PHYHIPL: variants seen among roughly 807,000 people sequenced by gnomAD.
PHYHIPL encodes the protein phytanoyl-CoA 2-hydroxylase interacting protein like, also known as phytanoyl-CoA hydroxylase-interacting protein-like.
Under a neutral mutation model 33.4 loss-of-function variants are expected in PHYHIPL, and 9 were observed. The observed-to-expected ratio is 0.27, with a 90% CI of 0.16 to 0.47. The LOEUF (loss-of-function observed/expected upper bound fraction) is 0.47. Among genes scored for constraint, PHYHIPL ranks in the 20% least tolerant of loss-of-function variants. The pLI is 0.99. For synonymous variants in PHYHIPL, 153 were observed against 154.1 expected, an observed-to-expected ratio of 0.99 and a Z score of 0.05; for missense variants, 365 against 460.7, an observed-to-expected ratio of 0.79 and a Z score of 1.90.
intron 4 of PHYHIPL, among the ~76,000 whole-genome samples, chr10:59,244,491 G>A (rs969551461): frequency 4.2e-5 from 6 of 143,524 alleles, no homozygotes; most frequent in African/African-American, 1.5e-4. Flanking sequence ...TTGAACCTGG[G>A]AGGCAGAGGT....
intron 1 of PHYHIPL, among the ~76,000 whole-genome samples, chr10:59,203,146 G>A (rs1839176307): frequency 6.6e-6 from 1 of 152,162 alleles, no homozygotes; most frequent in Non-Finnish European, 1.5e-5. Context: ...CATTTATGCA[G>A]CCAACAGACA....
intron 1 of PHYHIPL, among the ~76,000 whole-genome samples, chr10:59,196,320 T>C (rs1388543572): frequency 6.6e-6 from 1 of 151,200 alleles, no homozygotes; most frequent in Admixed American, 6.6e-5. Flanking sequence ...TTTAAATTGC[T>C]ATTTTGCCCA....
chr10:59,186,033 C>A (rs1838590098), intron 1 of PHYHIPL, among the ~76,000 whole-genome samples: 1 of 152,150 alleles, frequency 6.6e-6, no homozygotes, highest in Non-Finnish European at 1.5e-5. Context: ...GACATGAAGT[C>A]CTTGTCCATG....
intron 1 of PHYHIPL, chr10:59,221,829 G>C: frequency 2.4e-6 from 1 of 424,210 alleles, no homozygotes; most frequent in Non-Finnish European, 3.1e-6. Context: ...AGAGTCTGAA[G>C]TTCCAGGATG....
At chr10:59,180,250 A>G (rs1257422434) in intron 1 of PHYHIPL, among the ~76,000 whole-genome samples, 1 of 122,506 alleles carries the variant, frequency 8.2e-6, no homozygotes, top group Admixed American at 8.1e-5. Context: ...TCTTTTAATC[A>G]TATATATACA....
chr10:59,219,862 TA>T (rs1417762318), intron 1 of PHYHIPL, among the ~76,000 whole-genome samples: 1 of 152,138 alleles, frequency 6.6e-6, no homozygotes, highest in Non-Finnish European at 1.5e-5. Context: ...TCTAGTTAAC[TA>T]CATGGTATTA....
Position 59,247,619 on chromosome 10 carries a change from T to C in PHYHIPL, c.*2028T>C. On this transcript the variant is annotated 3_prime_UTR_variant, in exon 5 of 5. Coordinates refer to ENST00000373880, the MANE Select transcript of PHYHIPL (RefSeq NM_032439.4). Reference sequence around the variant, plus strand: ...ATCATAACATTTCCTGAACCTCAAATAGTTTTGGCCACATCTTGCTTGCTG... The same window carrying C: ...ATCATAACATTTCCTGAACCTCAAACAGTTTTGGCCACATCTTGCTTGCTG... 1 of 1,613,340 alleles carries C rather than the reference T, an allele frequency of 6.2e-7. No homozygotes were observed. The highest frequency in any genetic ancestry group is 8.5e-7 in the Non-Finnish European group (1 of 1,179,604).
intron 1 of PHYHIPL, among the ~76,000 whole-genome samples, chr10:59,190,680 G>C (rs1350116184): frequency 6.6e-6 from 1 of 151,780 alleles, no homozygotes; most frequent in Admixed American, 6.6e-5. Context: ...GCTTATTAAA[G>C]AGCTGGATAA....
chr10:59,242,833 G>GAT (rs2133303172), intron 4 of PHYHIPL, among the ~76,000 whole-genome samples: 1 of 152,226 alleles, frequency 6.6e-6, no homozygotes, highest in African/African-American at 2.4e-5. Flanking sequence ...TAAACTTGAA[G>GAT]ATAGAATAGA....
intron 4 of PHYHIPL, among the ~76,000 whole-genome samples, chr10:59,243,836 G>A (rs1478317061): frequency 6.6e-6 from 1 of 152,060 alleles, no homozygotes; most frequent in Non-Finnish European, 1.5e-5. Context: ...CCTTCATAGA[G>A]GTGTAGTCAG....
intron 1 of PHYHIPL, among the ~76,000 whole-genome samples, chr10:59,211,204 T>C (rs1839428821): frequency 6.6e-6 from 1 of 151,782 alleles, no homozygotes; most frequent in Non-Finnish European, 1.5e-5. Flanking sequence ...GAGACCCCCA[T>C]GTCTAAAAAA....
At chr10:59,214,175 A>G (rs900230266) in intron 1 of PHYHIPL, among the ~76,000 whole-genome samples, 1 of 152,158 alleles carries the variant, frequency 6.6e-6, no homozygotes, top group Non-Finnish European at 1.5e-5. Context: ...GTGAAACCAT[A>G]CAAGCACAAG....
chr10:59,219,447 G>C (rs1839702690), intron 1 of PHYHIPL, among the ~76,000 whole-genome samples: 1 of 152,108 alleles, frequency 6.6e-6, no homozygotes, highest in African/African-American at 2.4e-5. Context: ...TCTATTTGCA[G>C]AGTTCATGAA....
At chr10:59,236,337 C>CCTTCCTTCCCTCCCTCCTTCCCTT (rs1840228593) in intron 2 of PHYHIPL, 146 bp from the exon 3 acceptor site, 10 of 468,336 alleles carry the variant, frequency 2.1e-5, no homozygotes, top group East Asian at 1.7e-4. Flanking sequence ...CCTTTTCCCT[C>CCTTCCTTCCCTCCCTCCTTCCCTT]CTTCCTTCCC....
At chr10:59,184,943 T>A (rs985060986) in intron 1 of PHYHIPL, among the ~76,000 whole-genome samples, 1 of 151,754 alleles carries the variant, frequency 6.6e-6, no homozygotes, top group Admixed American at 6.6e-5. Context: ...AATGATGGTT[T>A]CAAGCTTCAT....
chr10:59,218,238 G>A (rs554704553), intron 1 of PHYHIPL, among the ~76,000 whole-genome samples: 27 of 152,206 alleles, frequency 1.8e-4, no homozygotes, highest in Non-Finnish European at 8.8e-5. Flanking sequence ...CAAACTTATG[G>A]ATACAAAATG....
chr10:59,216,859 T>G (rs1243547725), intron 1 of PHYHIPL, among the ~76,000 whole-genome samples: 2 of 152,174 alleles, frequency 1.3e-5, no homozygotes, highest in Non-Finnish European at 2.9e-5. Flanking sequence ...TGCTTATATA[T>G]GTTGCTAAAT....
chr10:59,235,881 C>T (rs1214390133), intron 2 of PHYHIPL, among the ~76,000 whole-genome samples: 1 of 151,792 alleles, frequency 6.6e-6, no homozygotes, highest in African/African-American at 2.4e-5. Flanking sequence ...AGCAAAAATT[C>T]ATATTTTTAG....
rs575610058 is a variant in PHYHIPL, at chr10:59,181,451, T to C, written c.106+4492T>C. 1.4e-4 allele frequency among the ~76,000 whole-genome samples: 22 copies of C among 152,302 alleles called. No homozygotes were observed. The South Asian group carries it at 4.6e-3, about 32-fold the overall frequency. On this transcript the variant is annotated intron_variant, in intron 1 of 4. Coordinates refer to ENST00000373880, the MANE Select transcript of PHYHIPL (RefSeq NM_032439.4). ...TTCTCTTTTACCATCCTATCAGTAATATCTTTATCACCTTAGCCCTAAAAA... is the reference window on the plus strand; with the variant it reads ...TTCTCTTTTACCATCCTATCAGTAACATCTTTATCACCTTAGCCCTAAAAA...
Sources: allele counts gnomAD v4.1 joint callset (sites outside exome capture counted in the v4.1 genomes callset), GRCh38; gene constraint gnomAD v4.1.1; transcripts MANE v1.5; gene names NCBI Gene and HGNC (gene_info 2026-07-23, HGNC 2026-07-21).